The following OSBPL10 variants were observed in gnomAD, a reference collection of about 807,000 sequenced individuals.
OSBPL10 encodes the protein oxysterol-binding protein-related protein 10.
OSBPL10 carries 49 observed loss-of-function variants against 81.7 expected under a neutral mutation model. The ratio of observed to expected loss-of-function variants is 0.60; its 90% confidence interval spans 0.48 to 0.76. The LOEUF (loss-of-function observed/expected upper bound fraction) is 0.76. Ranked by LOEUF, OSBPL10 falls within the 30% of genes least tolerant of loss-of-function variation. The probability of loss-of-function intolerance (pLI) is 0.00; values close to 1 mark genes in which losing one functional copy is unlikely to be tolerated. For missense variants in OSBPL10, 923 were observed against 987.8 expected (o/e 0.93, Z 0.88); for synonymous variants, 419 against 383.6 (o/e 1.09, Z -1.08).
At chr3:32,022,007 T>G (rs1307535954) in intron 2 of OSBPL10, among the ~76,000 whole-genome samples, 1 of 151,956 alleles carries the variant, frequency 6.6e-6, no homozygotes, top group Admixed American at 6.6e-5. Context: ...ACAAAATATG[T>G]ATATTCTAGA....
intron 1 of OSBPL10, among the ~76,000 whole-genome samples, chr3:31,928,303 G>GA (rs1191153761): frequency 6.6e-6 from 1 of 151,908 alleles, no homozygotes; most frequent in African/African-American, 2.4e-5. Flanking sequence ...AACCTGCCTG[G>GA]AAAAAAACAA....
chr3:32,037,900 G>C (rs1439756520), intron 2 of OSBPL10, among the ~76,000 whole-genome samples: 2 of 152,200 alleles, frequency 1.3e-5, no homozygotes, highest in African/African-American at 4.8e-5. Flanking sequence ...GAAAGACTCT[G>C]CAACTTAAGG....
At chr3:31,928,137 A>G (rs535820356) in intron 1 of OSBPL10, among the ~76,000 whole-genome samples, 1 of 152,318 alleles carries the variant, frequency 6.6e-6, no homozygotes, top group East Asian at 1.9e-4. Flanking sequence ...AAGGACAAAT[A>G]CCTTTAAGAA....
chr3:31,942,265 A>C (rs1468727724), intron 1 of OSBPL10, among the ~76,000 whole-genome samples: 1 of 151,452 alleles, frequency 6.6e-6, no homozygotes, highest in Non-Finnish European at 1.5e-5. Context: ...TCAATATAAA[A>C]AGCGGGCTGA....
rs576514783 is a variant in OSBPL10, at chr3:31,900,326, C to T, written c.282-20496G>A. On this transcript the variant is annotated intron_variant, in intron 1 of 11. Coordinates refer to ENST00000396556, the MANE Select transcript of OSBPL10 (RefSeq NM_017784.5). ...CCAAAGTGCTGCCACCGCACCCAGC[C>T]GAGAATGAAACTTTTAAAAAACAAA... 8.5e-5 allele frequency among the ~76,000 whole-genome samples: 13 copies of T among 152,208 alleles called. No homozygotes were observed. In the South Asian group the frequency reaches 1.0e-3, roughly 12 times the overall value.
At chr3:31,733,695 T>C (rs1161151226) in intron 5 of OSBPL10, among the ~76,000 whole-genome samples, 1 of 149,668 alleles carries the variant, frequency 6.7e-6, no homozygotes, top group Non-Finnish European at 1.5e-5. Context: ...GTTTTTTTTT[T>C]TTTTTTTTTT....
intron 3 of OSBPL10, among the ~76,000 whole-genome samples, chr3:31,837,719 C>A (rs1440301251): frequency 1.3e-5 from 2 of 149,768 alleles, no homozygotes; most frequent in Non-Finnish European, 3.0e-5. Context: ...AAACCAATAG[C>A]ATTCCTTCAT....
intron 2 of OSBPL10, chr3:32,045,972 A>G (rs1488217316): frequency 6.6e-6 from 1 of 152,268 alleles, no homozygotes; most frequent in African/African-American, 2.4e-5. Context: ...GCACTTGACC[A>G]GTCAACAAAC....
chr3:31,794,477 T>C (rs546924838), intron 4 of OSBPL10: 1 of 226,018 alleles, frequency 4.4e-6, no homozygotes, highest in Admixed American at 5.0e-5. Flanking sequence ...TGAATGGCCA[T>C]GGTTGTGCTG....
intron 4 of OSBPL10, among the ~76,000 whole-genome samples, chr3:31,784,610 T>G (rs573204184): frequency 6.6e-6 from 1 of 152,106 alleles, no homozygotes; most frequent in African/African-American, 2.4e-5. Context: ...TGAGACAAGG[T>G]CTCGCTTTGT....
chr3:31,791,269 T>C (rs115348581), intron 4 of OSBPL10, among the ~76,000 whole-genome samples: 1 of 152,328 alleles, frequency 6.6e-6, no homozygotes, highest in African/African-American at 2.4e-5. Context: ...TGGGAGTATA[T>C]GCACAGTGGC....
chr3:31,955,140 T>C (rs1357487205), intron 1 of OSBPL10, among the ~76,000 whole-genome samples: 3 of 152,260 alleles, frequency 2.0e-5, no homozygotes, highest in Non-Finnish European at 4.4e-5. Context: ...TGGGGTTTAA[T>C]GCAGCGTGAG....
chr3:31,875,477 G>A (rs544600768), intron 3 of OSBPL10, among the ~76,000 whole-genome samples: 20 of 151,816 alleles, frequency 1.3e-4, no homozygotes, highest in African/African-American at 3.1e-4. Context: ...CTGAAGATTC[G>A]GCTTAGGGCA....
At chr3:31,994,995 C>A (rs35522757) in intron 2 of OSBPL10, among the ~76,000 whole-genome samples, 52,279 of 151,968 alleles carry the variant, frequency 0.34, 12,509 homozygotes, top group African/African-American at 0.68. Context: ...AGTTTTTATT[C>A]AGGATTTCAA....
At chr3:31,742,814 G>A (rs926082160) in intron 5 of OSBPL10, among the ~76,000 whole-genome samples, 2 of 151,994 alleles carry the variant, frequency 1.3e-5, no homozygotes, top group Admixed American at 1.3e-4. Context: ...TAAAGCCCAG[G>A]CTCCCAAAGA....
chr3:32,011,436 T>C (rs1347747460), intron 2 of OSBPL10, among the ~76,000 whole-genome samples: 2 of 152,130 alleles, frequency 1.3e-5, no homozygotes, highest in Non-Finnish European at 2.9e-5. Context: ...CAAAACCCCA[T>C]CTGTACGTCA....
intron 5 of OSBPL10, among the ~76,000 whole-genome samples, chr3:31,740,859 A>T (rs867438156): frequency 1.5e-5 from 2 of 137,284 alleles, no homozygotes; most frequent in African/African-American, 7.1e-5. Flanking sequence ...ACTAGAATTT[A>T]TATATATATG....
intron 2 of OSBPL10, among the ~76,000 whole-genome samples, chr3:32,039,193 G>A (rs977061577): frequency 5.3e-5 from 8 of 151,424 alleles, no homozygotes; most frequent in Non-Finnish European, 1.2e-4. Flanking sequence ...GGGCATGGTG[G>A]GACGTGCCTG....
intron 1 of OSBPL10, among the ~76,000 whole-genome samples, chr3:32,075,285 G>C (rs1364303402): frequency 6.6e-6 from 1 of 152,110 alleles, no homozygotes; most frequent in Non-Finnish European, 1.5e-5. Flanking sequence ...ATTTTTAAAT[G>C]AAGAGTGTTG....
Sources: allele counts gnomAD v4.1 joint callset (sites outside exome capture counted in the v4.1 genomes callset), GRCh38; gene constraint gnomAD v4.1.1; transcripts MANE v1.5; gene names NCBI Gene and HGNC (gene_info 2026-07-23, HGNC 2026-07-21).